The following LAMA2 variants were observed in gnomAD, a reference collection of about 807,000 sequenced individuals.
LAMA2 encodes the protein laminin subunit alpha-2.
Under a neutral mutation model 364.8 loss-of-function variants are expected in LAMA2, and 269 were observed. That is an observed-to-expected ratio of 0.74 (90% CI 0.67 to 0.82). The LOEUF is 0.82. LAMA2 is among the 40% of genes least tolerant of loss of function. The pLI is 0.00. For synonymous variants in LAMA2, 1,379 were observed against 1,370.6 expected, an observed-to-expected ratio of 1.01 and a Z score of -0.14; for missense variants, 3,807 against 3,873.2, an observed-to-expected ratio of 0.98 and a Z score of 0.45.
chr6:129,171,661 G>T lies in LAMA2; in HGVS notation c.1306+5986G>T, dbSNP rs1433775985. Among the ~76,000 whole-genome samples the T allele has an allele frequency of 1.5e-4, 22 of 143,002 alleles. No individual in the cohort carries two copies. In the East Asian group the frequency reaches 4.1e-3, roughly 27 times the overall value. 93.8% of individuals were successfully genotyped at this position (143,002 alleles called of 152,430 possible). ...TCTGACAATTATGTGTCTTGGAGTT[G>T]CTCTTCTCGAGGAGTATCTTTGTGG... On this transcript the variant is annotated intron_variant, in intron 9 of 64. Transcript: ENST00000421865.
At chr6:129,156,838 C>A (rs914172752) in intron 8 of LAMA2, among the ~76,000 whole-genome samples, 2 of 152,040 alleles carry the variant, frequency 1.3e-5, no homozygotes, top group African/African-American at 4.8e-5. Flanking sequence ...ATCTCACTTG[C>A]AAAGTAAATG....
intron 4 of LAMA2, among the ~76,000 whole-genome samples, chr6:129,123,017 C>T (rs1776890407): frequency 6.6e-6 from 1 of 152,056 alleles, no homozygotes; most frequent in Non-Finnish European, 1.5e-5. Context: ...AATGGGACTG[C>T]GAGGCCGGGT....
At chr6:128,902,585 G>A (rs1441742360) in intron 1 of LAMA2, among the ~76,000 whole-genome samples, 1 of 152,184 alleles carries the variant, frequency 6.6e-6, no homozygotes, top group Non-Finnish European at 1.5e-5. Flanking sequence ...TCAGCAATGA[G>A]GACTTGGAAG....
At chr6:129,143,625 G>A (rs1012770886) in intron 4 of LAMA2, among the ~76,000 whole-genome samples, 2 of 151,970 alleles carry the variant, frequency 1.3e-5, no homozygotes, top group African/African-American at 4.8e-5. Context: ...TAGGAAGGTC[G>A]AATTGACGCA....
chr6:129,211,056 C>G (rs1256749827), intron 12 of LAMA2, among the ~76,000 whole-genome samples: 2 of 152,188 alleles, frequency 1.3e-5, no homozygotes, highest in African/African-American at 4.8e-5. Flanking sequence ...ATGATACAAA[C>G]AGATCAGGTG....
At chr6:129,293,762 G>T (rs903255573) in intron 20 of LAMA2, among the ~76,000 whole-genome samples, 1 of 152,166 alleles carries the variant, frequency 6.6e-6, no homozygotes, top group South Asian at 2.1e-4. Context: ...GTAGAGAATT[G>T]AGGATAGGGC....
At chr6:128,970,504 A>C (rs1413906500) in intron 1 of LAMA2, among the ~76,000 whole-genome samples, 1 of 152,218 alleles carries the variant, frequency 6.6e-6, no homozygotes, top group African/African-American at 2.4e-5. Flanking sequence ...GAGGCTTTAT[A>C]ACTGAAATTG....
chr6:128,884,636 CTATTTTTGCTTT>C (rs1158628869), intron 1 of LAMA2, among the ~76,000 whole-genome samples: 1 of 152,074 alleles, frequency 6.6e-6, no homozygotes. Flanking sequence ...TTTTTTCCTT[CTATTTTTGCTTT>C]TGCTTCTCTG....
intron 45 of LAMA2, among the ~76,000 whole-genome samples, chr6:129,452,301 C>T (rs1782716562): frequency 6.6e-6 from 1 of 151,944 alleles, no homozygotes; most frequent in East Asian, 1.9e-4. Flanking sequence ...CCTTTTTTAG[C>T]AATTTATAGT....
chr6:129,086,773 A>G (rs1174768752), intron 3 of LAMA2, among the ~76,000 whole-genome samples: 3 of 152,238 alleles, frequency 2.0e-5, no homozygotes, highest in African/African-American at 7.2e-5. Flanking sequence ...ACAGTTTAAT[A>G]GGTTAGTAGT....
chr6:129,027,725 A>T (rs1190871709), intron 1 of LAMA2, among the ~76,000 whole-genome samples: 1 of 151,936 alleles, frequency 6.6e-6, no homozygotes, highest in East Asian at 1.9e-4. Flanking sequence ...AGAATAATTT[A>T]GGAAAGCAAT....
At chr6:129,095,118 C>A (rs1775090389) in intron 3 of LAMA2, among the ~76,000 whole-genome samples, 1 of 152,208 alleles carries the variant, frequency 6.6e-6, no homozygotes, top group African/African-American at 2.4e-5. Flanking sequence ...ACCCATTTCT[C>A]ATTTGCCTGA....
chr6:128,944,804 G>T (rs1186008047), intron 1 of LAMA2, among the ~76,000 whole-genome samples: 2 of 152,292 alleles, frequency 1.3e-5, no homozygotes, highest in African/African-American at 2.4e-5. Flanking sequence ...ATAAACAGGA[G>T]CAAGAGAGAG....
At chr6:129,125,374 G>A (rs185892850) in intron 4 of LAMA2, among the ~76,000 whole-genome samples, 16 of 152,294 alleles carry the variant, frequency 1.1e-4, no homozygotes, top group African/African-American at 3.1e-4. Flanking sequence ...TTAAAATCAT[G>A]AGACTGCATA....
chr6:129,386,440 G>T (rs960922821), intron 35 of LAMA2, among the ~76,000 whole-genome samples: 3 of 151,740 alleles, frequency 2.0e-5, no homozygotes, highest in Admixed American at 6.6e-5. Context: ...TCCTTTTTTG[G>T]TGGGGGAGAT....
chr6:129,338,740 G>A (rs1467657437), intron 29 of LAMA2, among the ~76,000 whole-genome samples: 1 of 152,152 alleles, frequency 6.6e-6, no homozygotes, highest in African/African-American at 2.4e-5. Flanking sequence ...TAGGTCATCG[G>A]GGAATGTTTC....
intron 10 of LAMA2, among the ~76,000 whole-genome samples, chr6:129,181,479 A>G (rs1780922298): frequency 6.6e-6 from 1 of 152,020 alleles, no homozygotes; most frequent in Non-Finnish European, 1.5e-5. Context: ...GTAATATAAA[A>G]TAGACGCTAT....
At chr6:129,052,075 T>C (rs996788510) in intron 2 of LAMA2, among the ~76,000 whole-genome samples, 1 of 151,620 alleles carries the variant, frequency 6.6e-6, no homozygotes, top group Non-Finnish European at 1.5e-5. Context: ...TGAGGTGAAC[T>C]ATGATGGGGG....
chr6:129,264,481 A>G (rs1787360881), intron 15 of LAMA2, among the ~76,000 whole-genome samples: 1 of 152,124 alleles, frequency 6.6e-6, no homozygotes, highest in Non-Finnish European at 1.5e-5. Context: ...TATAATATTC[A>G]GGTCTTAAAT....
Sources: gnomAD v4.1 joint callset for allele counts (sites outside exome capture counted in the v4.1 genomes callset) on GRCh38, gnomAD v4.1.1 for gene constraint, MANE v1.5 for transcripts, NCBI Gene and HGNC (gene_info 2026-07-23, HGNC 2026-07-21) for gene names.